The following WDR35 variants were observed in gnomAD, a reference collection of about 807,000 sequenced individuals.
WDR35 encodes the protein WD repeat domain 35.
A neutral mutation model predicts 158.3 loss-of-function variants in WDR35; 118 were observed. The ratio of observed to expected loss-of-function variants is 0.75; its 90% CI spans 0.64 to 0.87. The LOEUF (loss-of-function observed/expected upper bound fraction) is 0.87, where lower values mean the gene tolerates loss of function less well. Among genes scored for constraint, WDR35 ranks in the 40% least tolerant of loss-of-function variants. WDR35 has a pLI of 0.00. For synonymous variants in WDR35, 448 were observed against 476.1 expected, an observed-to-expected ratio of 0.94 and a Z score of 0.77; for missense variants, 1,263 against 1,405.8, an observed-to-expected ratio of 0.90 and a Z score of 1.62.
At chr2:19,956,094 TCCCTGA>T (rs369464653) in intron 11 of WDR35, among the ~76,000 whole-genome samples, 55 of 152,338 alleles carry the variant, frequency 3.6e-4, no homozygotes, top group African/African-American at 1.3e-3. Flanking sequence ...CGCTCTCCTT[TCCCTGA>T]CCTGGTCTTC....
Position 19,937,911 on chromosome 2 carries a change from T to A in WDR35, c.2099A>T (p.Asp700Val), listed in dbSNP as rs1338684396. The change falls in exon 19 of 27, where the codon GAT (aspartate) becomes GTT (valine). Residue 700 changes from aspartate to valine, a missense_variant. Coordinates refer to ENST00000281405, the MANE Select transcript of WDR35 (RefSeq NM_020779.4). ...LLAEAALQKL[D>V]LYTAEQAFVR... Reference sequence around the variant, plus strand: ...AAATGCTTGCTCTGCAGTGTATAGATCCAGTTTCTGAAGAGCTGCTTCAGC... The same window carrying A: ...AAATGCTTGCTCTGCAGTGTATAGAACCAGTTTCTGAAGAGCTGCTTCAGC... The A allele has an allele frequency of 1.9e-6, 3 of 1,614,140 alleles. No homozygotes were observed. Among genetic ancestry groups the A allele is most frequent in the Non-Finnish European group, 1.7e-6 (2 of 1,180,020 alleles).
chr2:19,930,958 T>C (rs1670506968), intron 24 of WDR35, among the ~76,000 whole-genome samples: 1 of 152,194 alleles, frequency 6.6e-6, no homozygotes, highest in South Asian at 2.1e-4. Flanking sequence ...ACAATATATC[T>C]AGGAAAGTTT....
In WDR35 at chr2:19,935,513, C is replaced by A. The variant is rs1264586440; in HGVS notation, c.2505G>T (p.Glu835Asp). 2 of 1,613,188 alleles carry A rather than the reference C, an allele frequency of 1.2e-6. No homozygotes were observed. Among genetic ancestry groups the A allele is most frequent in the South Asian group, 1.1e-5 (1 of 91,002 alleles). ...YYMLEDYEGL[E>D]NLAISLPENH... is the part of the protein sequence containing the mutation. ...TTTCTGGAAGTGAAATGGCAAGGTT[C>A]TCTAACCCTTCATAATCCTCTAACA... The change falls in exon 21 of 27, where the codon GAG (glutamate) becomes GAT (aspartate). Residue 835 changes from glutamate (E) to aspartate (D), a missense_variant. Coordinates refer to ENST00000281405, the MANE Select transcript of WDR35 (RefSeq NM_020779.4).
chr2:19,932,471 A>T (rs771273354), intron 22 of WDR35, 24 bp from the exon 23 acceptor site: 3 of 1,612,858 alleles, frequency 1.9e-6, no homozygotes, highest in Non-Finnish European at 2.5e-6. Flanking sequence ...TACACCATTC[A>T]GTCACCCAAG....
At chr2:19,939,285 G>A (rs1670797845) in intron 17 of WDR35, among the ~76,000 whole-genome samples, 2 of 152,078 alleles carry the variant, frequency 1.3e-5, no homozygotes, top group South Asian at 2.1e-4. Flanking sequence ...AAATTTAAAT[G>A]TTCTAAATCT....
Position 19,932,450 on chromosome 2 carries a change from A to AG in WDR35, c.2659-4dup. ...GCCAATTCAACAGCTTTGTTCCACT[A>AG]GGAGAAAAATTACACCATTCAGTCA... On this transcript the variant is annotated splice_region_variant and splice_polypyrimidine_tract_variant and intron_variant, in intron 22 of 26. Coordinates refer to ENST00000281405, the MANE Select transcript of WDR35 (RefSeq NM_020779.4). 6.2e-7 allele frequency: 1 copy of AG among 1,613,146 alleles called. No homozygotes were observed. The highest frequency in any genetic ancestry group is 8.5e-7 in the Non-Finnish European group (1 of 1,179,428).
chr2:19,914,423 G>A, intron 25 of WDR35, 146 bp from the exon 26 acceptor site: 1 of 1,012,944 alleles, frequency 9.9e-7, no homozygotes, highest in South Asian at 1.5e-5. Context: ...GGAGCACCAA[G>A]AGGAGGAACT....
chr2:19,918,023 A>C (rs1670043360), intron 25 of WDR35, among the ~76,000 whole-genome samples: 1 of 152,246 alleles, frequency 6.6e-6, no homozygotes, highest in South Asian at 2.1e-4. Context: ...AGGGAAGCCC[A>C]TCAGACTAAC....
chr2:19,985,067 C>A (rs1362166407), intron 2 of WDR35, among the ~76,000 whole-genome samples: 2 of 152,122 alleles, frequency 1.3e-5, no homozygotes, highest in African/African-American at 4.8e-5. Flanking sequence ...TTGTCCTGGG[C>A]ATATTGGAAG....
intron 22 of WDR35, 70 bp from the exon 23 acceptor site, chr2:19,932,517 G>C: frequency 6.3e-7 from 1 of 1,590,874 alleles, no homozygotes; most frequent in East Asian, 2.2e-5. Flanking sequence ...ATTCACACAA[G>C]AAAGCTTTAA....
rs756718787 is a variant in WDR35, at chr2:19,975,675, CATT to C, written c.437-15_437-13del. On this transcript the variant is annotated splice_polypyrimidine_tract_variant and intron_variant, in intron 5 of 26. Transcript: ENST00000281405. ...CCAAATACGATTGCCTAAAACAAAACATTATTAAAAGTTGTTCAAGGTCATGAT... is the reference window on the plus strand; with the variant it reads ...CCAAATACGATTGCCTAAAACAAAACATTAAAAGTTGTTCAAGGTCATGAT... 8.7e-6 allele frequency: 14 copies of C among 1,613,788 alleles called. No individual in the cohort carries two copies. The East Asian group carries it at 2.9e-4, about 33-fold the overall frequency.
chr2:19,959,815 T>C (rs1360685441), intron 11 of WDR35, among the ~76,000 whole-genome samples: 1 of 152,042 alleles, frequency 6.6e-6, no homozygotes, highest in African/African-American at 2.4e-5. Context: ...TTCTTAGATT[T>C]AATAATTTTT....
At chr2:19,969,400 A>G in intron 9 of WDR35, 80 bp downstream of exon 9, 1 of 1,461,474 alleles carries the variant, frequency 6.8e-7, no homozygotes, top group South Asian at 1.3e-5. Flanking sequence ...AAAACAAGAC[A>G]GCTTTGAATA....
intron 14 of WDR35, among the ~76,000 whole-genome samples, chr2:19,947,316 T>C (rs1450741580): frequency 6.6e-6 from 1 of 152,184 alleles, no homozygotes; most frequent in African/African-American, 2.4e-5. Flanking sequence ...ATGAGTCTCA[T>C]GAGGGCTTAT....
chr2:19,911,804 G>A lies in WDR35; in HGVS notation c.*1754C>T, dbSNP rs1188052659. Reference sequence around the variant, plus strand: ...ATGCATGAGACATATAAAGCCTTCAGTATGTGTGAGAAGTTGATTCAATTA... The same window carrying A: ...ATGCATGAGACATATAAAGCCTTCAATATGTGTGAGAAGTTGATTCAATTA... On this transcript the variant is annotated 3_prime_UTR_variant, in exon 27 of 27. Transcript: ENST00000281405. The A allele has an allele frequency of 6.6e-6, 1 of 152,230 alleles. No homozygotes were observed. Among genetic ancestry groups the A allele is most frequent in the African/African-American group, 2.4e-5 (1 of 41,456 alleles). The allele number at this position is 152,230 out of a possible 1,614,324, so 9.4% of individuals were successfully genotyped here. A position where few individuals can be genotyped will look rare whatever the true frequency, so the allele number is the denominator to read the frequency against.
At chr2:19,978,186 A>G (rs1672269288) in intron 5 of WDR35, among the ~76,000 whole-genome samples, 1 of 142,410 alleles carries the variant, frequency 7.0e-6, no homozygotes, top group South Asian at 2.5e-4. Flanking sequence ...AGTTACACAC[A>G]CACACACAGA....
chr2:19,963,457 G>A (rs1298373609), intron 10 of WDR35, among the ~76,000 whole-genome samples: 1 of 152,032 alleles, frequency 6.6e-6, no homozygotes, highest in Non-Finnish European at 1.5e-5. Flanking sequence ...CTTGCTGCAA[G>A]GGCTCAAATA....
At chr2:19,966,561 T>C (rs1038223176) in intron 10 of WDR35, among the ~76,000 whole-genome samples, 163 bp downstream of exon 10, 1 of 152,094 alleles carries the variant, frequency 6.6e-6, no homozygotes, top group Non-Finnish European at 1.5e-5. Context: ...GGACACAGCA[T>C]CAATGGAGTC....
chr2:19,937,196 A>C (rs534879752), intron 19 of WDR35, among the ~76,000 whole-genome samples: 330 of 152,306 alleles, frequency 2.2e-3, no homozygotes, highest in African/African-American at 7.2e-3. Flanking sequence ...AGTGGCTAAG[A>C]TTATCTGCTT....
Sources: gnomAD v4.1 joint callset for allele counts (sites outside exome capture counted in the v4.1 genomes callset) on GRCh38, gnomAD v4.1.1 for gene constraint, MANE v1.5 for transcripts, NCBI Gene and HGNC (gene_info 2026-07-23, HGNC 2026-07-21) for gene names.